TSG101: variants seen among roughly 807,000 people sequenced by gnomAD.
The protein encoded by TSG101 is tumor susceptibility 101.
A neutral mutation model predicts 48.5 loss-of-function variants in TSG101; 19 were observed. That is an observed-to-expected ratio of 0.39 (90% confidence interval 0.27 to 0.58). The LOEUF is 0.58. Ranked by LOEUF, TSG101 falls within the 20% of genes least tolerant of loss-of-function variation. The pLI is 0.55. For missense variants in TSG101, 365 were observed against 484.4 expected (o/e 0.75, Z 2.31); for synonymous variants, 174 against 169.4 (o/e 1.03, Z -0.21).
intron 7 of TSG101, among the ~76,000 whole-genome samples, chr11:18,488,131 G>A (rs1849647359): frequency 6.6e-6 from 1 of 152,158 alleles, no homozygotes; most frequent in African/African-American, 2.4e-5. Context: ...AACAAAGCAA[G>A]AAAAGAGCTA....
chr11:18,507,339 G>T (rs1455641213), intron 5 of TSG101, among the ~76,000 whole-genome samples: 2 of 152,150 alleles, frequency 1.3e-5, no homozygotes, highest in African/African-American at 4.8e-5. Flanking sequence ...AATTAGCACA[G>T]CTGATTTTGT....
At position 18,489,873 on chromosome 11, in the gene TSG101, A is replaced by G. The variant is rs148753162; in HGVS notation, c.641-5801T>C. Among the ~76,000 whole-genome samples the G allele has an allele frequency of 6.0e-3, 908 of 152,354 alleles. 9 individuals carry two copies. Among genetic ancestry groups the G allele is most frequent in the African/African-American group, 0.021 (867 of 41,578 alleles). ...AACTTTACAATGGAATTGTATTTCA[A>G]TGATTCTGGTATCAGATTAAACTTT... On this transcript the variant is annotated intron_variant, in intron 7 of 9. Coordinates refer to ENST00000251968, the MANE Select transcript of TSG101 (RefSeq NM_006292.4).
intron 7 of TSG101, among the ~76,000 whole-genome samples, chr11:18,487,262 TAAAAAAAAAAAA>T (rs1158764884): frequency 1.5e-5 from 2 of 137,768 alleles, no homozygotes; most frequent in Non-Finnish European, 3.2e-5. Context: ...TAAAGTATAA[TAAAAAAAAAAAA>T]GAAAAAAAAA....
At chr11:18,509,468 C>T in intron 5 of TSG101, 74 bp downstream of exon 5, 2 of 1,517,544 alleles carry the variant, frequency 1.3e-6, no homozygotes, top group Non-Finnish European at 8.9e-7. Flanking sequence ...CATTATTTTT[C>T]TTTATTTTTT....
At chr11:18,489,838 CCTT>C (rs1849673258) in intron 7 of TSG101, among the ~76,000 whole-genome samples, 1 of 152,176 alleles carries the variant, frequency 6.6e-6, no homozygotes. Flanking sequence ...ATCTCTATAA[CCTT>C]CTGTACAACT....
intron 6 of TSG101, among the ~76,000 whole-genome samples, chr11:18,506,151 T>C (rs990256540): frequency 6.6e-6 from 1 of 152,028 alleles, no homozygotes; most frequent in African/African-American, 2.4e-5. Context: ...TTTTAAGGTG[T>C]GTGTGTATAA....
rs529154247 is a variant in TSG101 at position 18,484,935 on chromosome 11, C to CTTTTTT, written c.641-869_641-864dup. Among the ~76,000 whole-genome samples, 20 of 108,024 alleles carry CTTTTTT rather than the reference C, an allele frequency of 1.9e-4. 1 individual carries two copies. The highest frequency in any genetic ancestry group is 3.0e-4 in the African/African-American group (8 of 26,698). The allele number at this position is 108,024 out of a possible 152,430, so 70.9% of individuals were successfully genotyped here. A position where few individuals can be genotyped will look rare whatever the true frequency, so the allele number is the denominator to read the frequency against. On this transcript the variant is annotated intron_variant, in intron 7 of 9. Coordinates refer to ENST00000251968, the MANE Select transcript of TSG101 (RefSeq NM_006292.4). ...AAGTATATTTAACCTTAATTGCCGC[C>CTTTTTT]TTTTTTTTTTTTTTTTTTTTTGAGA...
At chr11:18,487,869 CT>C (rs560858042) in intron 7 of TSG101, among the ~76,000 whole-genome samples, 2,027 of 148,048 alleles carry the variant, frequency 0.014, 22 homozygotes, top group South Asian at 0.025. Flanking sequence ...TTTGGTAGAT[CT>C]TTTTTTTTTG....
intron 8 of TSG101, among the ~76,000 whole-genome samples, chr11:18,483,132 G>T (rs535675359): frequency 2.0e-5 from 3 of 152,200 alleles, no homozygotes; most frequent in Admixed American, 6.5e-5. Flanking sequence ...AGTCTCACAA[G>T]ATCTGATGGG....
At chr11:18,511,886 T>C (rs886373009) in intron 4 of TSG101, among the ~76,000 whole-genome samples, 6 of 152,186 alleles carry the variant, frequency 3.9e-5, no homozygotes, top group Non-Finnish European at 5.9e-5. Flanking sequence ...AATGAAATCA[T>C]ACAATATATG....
At chr11:18,517,951 T>C (rs1021177956) in intron 2 of TSG101, among the ~76,000 whole-genome samples, 2 of 152,262 alleles carry the variant, frequency 1.3e-5, no homozygotes, top group Non-Finnish European at 2.9e-5. Context: ...AAAGTATTTG[T>C]TAACAATGAT....
intron 2 of TSG101, among the ~76,000 whole-genome samples, chr11:18,516,862 AC>A (rs1205568415): frequency 6.6e-6 from 1 of 151,360 alleles, no homozygotes. Flanking sequence ...AATTGCTTGA[AC>A]CCAGGAGGCA....
Position 18,519,477 on chromosome 11 carries a change from A to T in TSG101, c.127+42T>A, listed in dbSNP as rs1272426561. 3.4e-6 allele frequency: 5 copies of T among 1,460,848 alleles called. No individual in the cohort carries two copies. The East Asian group carries it at 1.1e-4, about 33-fold the overall frequency. 90.5% of individuals were successfully genotyped at this position (1,460,848 alleles called of 1,614,324 possible). ...TTACAATCATTAACAAAGAGAGTAA[A>T]CTCAAAGTATAGAAATTGCTATTTT... On this transcript the variant is annotated intron_variant, in intron 2 of 9. Coordinates refer to ENST00000251968, the MANE Select transcript of TSG101 (RefSeq NM_006292.4).
intron 1 of TSG101, among the ~76,000 whole-genome samples, chr11:18,524,380 T>A (rs1416466069): frequency 6.6e-6 from 1 of 152,168 alleles, no homozygotes; most frequent in Non-Finnish European, 1.5e-5. Context: ...TACCATGATG[T>A]GTGTGGAGAG....
At position 18,484,712 on chromosome 11, in the gene TSG101, T is replaced by C. The variant is rs148701007; in HGVS notation, c.641-640A>G. ...AAATGTCCCTTCCTAATCAGTATAT[T>C]ATATCATTTCCATGCATATTTCAGA... On this transcript the variant is annotated intron_variant, in intron 7 of 9. Coordinates refer to ENST00000251968, the MANE Select transcript of TSG101 (RefSeq NM_006292.4). Among the ~76,000 whole-genome samples, 759 of 152,286 alleles carry C rather than the reference T, an allele frequency of 5.0e-3. 7 individuals are homozygous for C. Among genetic ancestry groups the C allele is most frequent in the African/African-American group, 0.018 (734 of 41,564 alleles).
chr11:18,502,920 G>A (rs1023478147), intron 6 of TSG101, among the ~76,000 whole-genome samples: 1 of 152,164 alleles, frequency 6.6e-6, no homozygotes, highest in Non-Finnish European at 1.5e-5. Context: ...CTCAGTCTGT[G>A]GGAAAATGAT....
At chr11:18,517,263 C>A (rs1367647205) in intron 2 of TSG101, among the ~76,000 whole-genome samples, 1 of 151,878 alleles carries the variant, frequency 6.6e-6, no homozygotes, top group Non-Finnish European at 1.5e-5. Flanking sequence ...CTCCTGGCCT[C>A]AGCCTCCTTA....
chr11:18,500,343 A>G (rs1849868931), intron 7 of TSG101, among the ~76,000 whole-genome samples: 1 of 152,234 alleles, frequency 6.6e-6, no homozygotes, highest in Non-Finnish European at 1.5e-5. Flanking sequence ...ATAAATACCC[A>G]GCAGTGGGAT....
chr11:18,506,718 T>C (rs1849981601), intron 6 of TSG101, 139 bp downstream of exon 6: 2 of 551,942 alleles, frequency 3.6e-6, no homozygotes, highest in Non-Finnish European at 5.9e-6. Flanking sequence ...AATAAATAAA[T>C]TCCAGGAATA....
Sources: gnomAD v4.1 joint callset for allele counts (sites outside exome capture counted in the v4.1 genomes callset) on GRCh38, gnomAD v4.1.1 for gene constraint, MANE v1.5 for transcripts, NCBI Gene and HGNC (gene_info 2026-07-23, HGNC 2026-07-21) for gene names.